MTUS2: variants seen among roughly 807,000 people sequenced by gnomAD.
The protein encoded by MTUS2 is microtubule-associated tumor suppressor candidate 2.
MTUS2 carries 40 observed loss-of-function variants against 114.1 expected under a neutral mutation model. The observed-to-expected ratio is 0.35, with a 90% confidence interval of 0.27 to 0.46. MTUS2 has a LOEUF of 0.46. Among genes scored for constraint, MTUS2 ranks in the 20% least tolerant of loss-of-function variants. The pLI is 1.00. For missense variants in MTUS2, 1,679 were observed against 1,705.4 expected, an observed-to-expected ratio of 0.98 and a Z score of 0.27; for synonymous variants, 688 against 672.0, an observed-to-expected ratio of 1.02 and a Z score of -0.37.
At position 28,948,819 on chromosome 13, in the gene MTUS2, A is replaced by G. The variant is rs547123864; in HGVS notation, c.-242-75638A>G. Among the ~76,000 whole-genome samples, 22 of 152,250 alleles carry G rather than the reference A, an allele frequency of 1.4e-4. No homozygotes were observed. The South Asian group carries it at 2.7e-3, about 19-fold the overall frequency. ...CCCCCATATGGCTGTATACACTATAACAGGTGTCCACTCCCCCGGTCTTAT... is the reference window on the plus strand; with the variant it reads ...CCCCCATATGGCTGTATACACTATAGCAGGTGTCCACTCCCCCGGTCTTAT... On this transcript the variant is annotated intron_variant, in intron 2 of 15. Transcript: ENST00000612955.
chr13:29,151,103 A>G (rs1387352540), intron 5 of MTUS2, among the ~76,000 whole-genome samples: 1 of 152,180 alleles, frequency 6.6e-6, no homozygotes, highest in African/African-American at 2.4e-5. Context: ...TTTGATAACA[A>G]TAGCATTGAA....
At chr13:29,221,067 G>A (rs1443394564) in intron 5 of MTUS2, among the ~76,000 whole-genome samples, 3 of 93,912 alleles carry the variant, frequency 3.2e-5, no homozygotes, top group Non-Finnish European at 6.8e-5. Context: ...CTCCTCCAGG[G>A]TTCCCTAGAG....
chr13:28,990,204 C>A (rs574889458), intron 2 of MTUS2, among the ~76,000 whole-genome samples: 1 of 152,126 alleles, frequency 6.6e-6, no homozygotes, highest in Non-Finnish European at 1.5e-5. Flanking sequence ...CCTGGGACTT[C>A]GGAAGGAGCT....
chr13:29,314,900 A>G (rs891412600), intron 6 of MTUS2, among the ~76,000 whole-genome samples: 4 of 152,232 alleles, frequency 2.6e-5, no homozygotes, highest in African/African-American at 9.6e-5. Context: ...ACTATTCACA[A>G]TAGCCAAGAT....
intron 8 of MTUS2, among the ~76,000 whole-genome samples, chr13:29,377,524 C>G (rs1377699620): frequency 6.6e-6 from 1 of 152,060 alleles, no homozygotes; most frequent in Non-Finnish European, 1.5e-5. Context: ...CTAAGTAAAC[C>G]ATGGGTCAAA....
intron 6 of MTUS2, among the ~76,000 whole-genome samples, chr13:29,321,907 T>C (rs1373117966): frequency 2.0e-5 from 3 of 152,236 alleles, no homozygotes; most frequent in Non-Finnish European, 2.9e-5. Context: ...ACTAGCTTTT[T>C]AATTTATCAT....
intron 5 of MTUS2, among the ~76,000 whole-genome samples, chr13:29,256,381 G>C (rs1279128991): frequency 1.3e-5 from 2 of 152,220 alleles, no homozygotes; most frequent in Non-Finnish European, 2.9e-5. Context: ...GACACTGAAG[G>C]GGGCCAGGTG....
At chr13:28,998,131 A>C (rs917516361) in intron 2 of MTUS2, among the ~76,000 whole-genome samples, 43 of 151,696 alleles carry the variant, frequency 2.8e-4, no homozygotes, top group Non-Finnish European at 5.3e-4. Flanking sequence ...AAAGGATTTT[A>C]TTTCTCCTTC....
intron 5 of MTUS2, among the ~76,000 whole-genome samples, chr13:29,151,087 T>C (rs1892647228): frequency 6.6e-6 from 1 of 152,198 alleles, no homozygotes. Flanking sequence ...AAAATTATAT[T>C]GGCAGTTTGA....
chr13:29,124,536 A>G (rs1891437906), intron 5 of MTUS2, among the ~76,000 whole-genome samples: 1 of 152,204 alleles, frequency 6.6e-6, no homozygotes, highest in African/African-American at 2.4e-5. Flanking sequence ...TCCTCAAAAA[A>G]TTAAAAGTAG....
At chr13:29,059,228 A>ATTTTTTTTTTT (rs35369352) in intron 4 of MTUS2, among the ~76,000 whole-genome samples, 8 of 97,128 alleles carry the variant, frequency 8.2e-5, no homozygotes, top group Non-Finnish European at 1.4e-4. Flanking sequence ...TATTCTTTGG[A>ATTTTTTTTTTT]TTTTTTTTTT....
At chr13:29,033,817 G>T in intron 3 of MTUS2, 68 bp from the exon 4 acceptor site, 1 of 1,584,206 alleles carries the variant, frequency 6.3e-7, no homozygotes, top group Non-Finnish European at 8.6e-7. Context: ...CCTCGGTCTC[G>T]TGGTCCTGTA....
At chr13:29,346,009 G>C (rs1240642966) in intron 7 of MTUS2, among the ~76,000 whole-genome samples, 2 of 152,214 alleles carry the variant, frequency 1.3e-5, no homozygotes, top group Non-Finnish European at 2.9e-5. Flanking sequence ...GATGTCATCT[G>C]TCTTCAGGTC....
intron 8 of MTUS2, among the ~76,000 whole-genome samples, chr13:29,365,428 T>C (rs2138263277): frequency 6.6e-6 from 1 of 152,158 alleles, no homozygotes; most frequent in South Asian, 2.1e-4. Context: ...TGAGAACAGA[T>C]ACCTGACCAA....
At chr13:29,347,394 T>C (rs1317709371) in intron 7 of MTUS2, among the ~76,000 whole-genome samples, 1 of 146,724 alleles carries the variant, frequency 6.8e-6, no homozygotes, top group East Asian at 2.1e-4. Flanking sequence ...AGATTTCCCT[T>C]TTTGATTTCT....
At position 28,822,857 on chromosome 13, in the gene MTUS2, A is replaced by T. The variant is rs556280336; in HGVS notation, c.-316+2246A>T. Among the ~76,000 whole-genome samples the T allele has an allele frequency of 7.2e-5, 11 of 152,336 alleles. No homozygotes were observed. In the East Asian group the frequency reaches 1.4e-3, roughly 19 times the overall value. ...AGTTTAATTTTTGTCATCTGAAAAG[A>T]TGAAAAAAATCTGTACAATATCATA... On this transcript the variant is annotated intron_variant, in intron 1 of 15. Coordinates refer to ENST00000612955, the MANE Select transcript of MTUS2 (RefSeq NM_001033602.4).
chr13:29,022,587 A>T (rs1055866679), intron 2 of MTUS2, among the ~76,000 whole-genome samples: 2 of 152,264 alleles, frequency 1.3e-5, no homozygotes, highest in Non-Finnish European at 2.9e-5. Flanking sequence ...CAGGAGAAAC[A>T]TAACAGTAGC....
chr13:29,103,427 G>A (rs756663322), intron 5 of MTUS2, among the ~76,000 whole-genome samples: 2 of 152,204 alleles, frequency 1.3e-5, no homozygotes, highest in African/African-American at 2.4e-5. Flanking sequence ...ATTGGTATAT[G>A]TAACAATATC....
intron 2 of MTUS2, among the ~76,000 whole-genome samples, chr13:28,865,886 A>T (rs539941128): frequency 1.0e-3 from 158 of 152,274 alleles, no homozygotes; most frequent in Non-Finnish European, 1.9e-3. Flanking sequence ...TTCCTTGATG[A>T]GTGAGACAAA....
Sources: allele counts gnomAD v4.1 joint callset (sites outside exome capture counted in the v4.1 genomes callset), GRCh38; gene constraint gnomAD v4.1.1; transcripts MANE v1.5; gene names NCBI Gene and HGNC (gene_info 2026-07-23, HGNC 2026-07-21).